IL23R: variants seen among roughly 807,000 people sequenced by gnomAD.
IL23R encodes interleukin-23 receptor.
A neutral mutation model predicts 56.9 loss-of-function variants in IL23R; 34 were observed. The observed-to-expected ratio is 0.60, with a 90% confidence interval of 0.45 to 0.80. IL23R has a LOEUF of 0.80. Ranked by LOEUF, IL23R falls within the 30% of genes least tolerant of loss-of-function variation. The pLI is 0.00. For missense variants in IL23R, 635 were observed against 730.0 expected (o/e 0.87, Z 1.50); for synonymous variants, 230 against 249.2 (o/e 0.92, Z 0.73).
At chr1:67,141,535 A>T (rs1181343659) in intron 1 of IL23R, among the ~76,000 whole-genome samples, 2 of 152,040 alleles carry the variant, frequency 1.3e-5, no homozygotes, top group Non-Finnish European at 2.9e-5. Flanking sequence ...AGGTGGGAGG[A>T]TCATTTGAGG....
intron 9 of IL23R, among the ~76,000 whole-genome samples, chr1:67,241,295 C>T (rs527751430): frequency 6.6e-6 from 1 of 152,268 alleles, no homozygotes; most frequent in Admixed American, 6.5e-5. Flanking sequence ...TAGAAGGTAC[C>T]TCCTTATGCT....
chr1:67,204,180 C>T (rs1039934016), intron 5 of IL23R, among the ~76,000 whole-genome samples: 4 of 152,178 alleles, frequency 2.6e-5, no homozygotes. Context: ...TCTCCTGCCT[C>T]AGCCTCCCGA....
intron 5 of IL23R, among the ~76,000 whole-genome samples, chr1:67,204,924 G>A (rs1210263078): frequency 6.6e-6 from 1 of 152,016 alleles, no homozygotes; most frequent in Non-Finnish European, 1.5e-5. Flanking sequence ...GATTACAGGC[G>A]TCTGCCACAA....
intron 3 of IL23R, 141 bp from the exon 4 acceptor site, chr1:67,182,695 G>T: frequency 1.2e-6 from 1 of 861,862 alleles, no homozygotes. Flanking sequence ...ACCTCAGTTG[G>T]AAATGAAGAA....
intron 3 of IL23R, among the ~76,000 whole-genome samples, chr1:67,177,646 G>T (rs911125962): frequency 2.6e-5 from 4 of 151,172 alleles, no homozygotes; most frequent in Admixed American, 1.3e-4. Flanking sequence ...GTCAATTTTG[G>T]CTTTTGTTGC....
intron 4 of IL23R, among the ~76,000 whole-genome samples, chr1:67,187,027 TTA>T (rs1396827657): frequency 6.6e-6 from 1 of 152,246 alleles, no homozygotes; most frequent in Non-Finnish European, 1.5e-5. Flanking sequence ...CTATTATGAA[TTA>T]TTCTTCTATT....
rs144606217 is a variant in IL23R at position 67,169,402 on chromosome 1, T to C, written c.131T>C (p.Met44Thr). Reference protein sequence around the residue: ...IWVEPATIFKMGMNISIYCQA... With the variant: ...IWVEPATIFKTGMNISIYCQA... ...GTAGAACCAGCCACAATTTTTAAGA[T>C]GGGTATGAATATCTCTATATATTGC... is the stretch of plus-strand genomic sequence containing the variant. Residue 44 changes from methionine (M) to threonine (T), a missense_variant, in exon 3 of 11, where the codon ATG becomes ACG. Coordinates refer to ENST00000347310, the MANE Select transcript of IL23R (RefSeq NM_144701.3). 15 of 1,613,246 alleles carry C rather than the reference T, an allele frequency of 9.3e-6. No individual in the cohort carries two copies. In the African/African-American group the frequency reaches 1.6e-4, roughly 17 times the overall value.
At chr1:67,215,174 C>A (rs979075929) in intron 6 of IL23R, among the ~76,000 whole-genome samples, 1 of 152,170 alleles carries the variant, frequency 6.6e-6, no homozygotes, top group Non-Finnish European at 1.5e-5. Context: ...AAAGCCCTTC[C>A]TTCTATAACT....
intron 9 of IL23R, among the ~76,000 whole-genome samples, chr1:67,253,736 T>C (rs1347366436): frequency 2.6e-5 from 4 of 152,200 alleles, no homozygotes; most frequent in East Asian, 3.8e-4. Flanking sequence ...TGAAATATTT[T>C]AATGTTCAAA....
the IL23R span, among the ~76,000 whole-genome samples, chr1:67,265,873 CAAA>C: frequency 1.4e-5 from 2 of 141,562 alleles, no homozygotes; most frequent in Non-Finnish European, 3.1e-5. Context: ...GACCCTGTCT[CAAA>C]AAAAAAAAAT....
At chr1:67,212,818 G>A (rs1363699143) in intron 6 of IL23R, among the ~76,000 whole-genome samples, 1 of 151,996 alleles carries the variant, frequency 6.6e-6, no homozygotes, top group Non-Finnish European at 1.5e-5. Context: ...GCCTCCCAAA[G>A]TGCTGGTATT....
chr1:67,151,970 T>A (rs1378832773), intron 1 of IL23R, among the ~76,000 whole-genome samples: 1 of 152,214 alleles, frequency 6.6e-6, no homozygotes. Flanking sequence ...CATATGAAAT[T>A]TAAAGTAGAT....
chr1:67,202,639 T>C (rs1441109669), intron 5 of IL23R, among the ~76,000 whole-genome samples: 1 of 152,174 alleles, frequency 6.6e-6, no homozygotes. Context: ...ATTAAAAAAT[T>C]TGAGATCACA....
At chr1:67,198,302 C>T (rs1299100279) in intron 4 of IL23R, among the ~76,000 whole-genome samples, 6 of 152,178 alleles carry the variant, frequency 3.9e-5, no homozygotes, top group Admixed American at 1.3e-4. Flanking sequence ...GCACTCCTTT[C>T]GCCACCGCCT....
At chr1:67,168,001 C>G in intron 1 of IL23R, 91 bp from the exon 2 acceptor site, 1 of 745,448 alleles carries the variant, frequency 1.3e-6, no homozygotes, top group Non-Finnish European at 2.3e-6. Context: ...AGGTTCCCAT[C>G]AAATACAATA....
intron 10 of IL23R, 32 bp from the exon 11 acceptor site, chr1:67,258,446 T>C: frequency 6.4e-7 from 1 of 1,556,372 alleles, no homozygotes; most frequent in Admixed American, 1.8e-5. Flanking sequence ...TAAATGTCTT[T>C]TGCAAAATAA....
intron 4 of IL23R, among the ~76,000 whole-genome samples, chr1:67,191,435 C>T (rs1647735765): frequency 6.6e-6 from 1 of 152,144 alleles, no homozygotes; most frequent in Admixed American, 6.5e-5. Context: ...TCCTGCCTGC[C>T]TACTGGAGGA....
intron 1 of IL23R, among the ~76,000 whole-genome samples, chr1:67,159,546 T>A (rs1181852865): frequency 6.6e-6 from 1 of 152,106 alleles, no homozygotes; most frequent in Non-Finnish European, 1.5e-5. Flanking sequence ...TTTATAACAG[T>A]GTGAGAACAA....
chr1:67,215,042 A>C (rs1649743092), intron 6 of IL23R, among the ~76,000 whole-genome samples: 1 of 152,202 alleles, frequency 6.6e-6, no homozygotes, highest in Admixed American at 6.5e-5. Context: ...CTGCTTGCTC[A>C]AATCAATCAC....
Sources: allele counts gnomAD v4.1 joint callset (sites outside exome capture counted in the v4.1 genomes callset), GRCh38; gene constraint gnomAD v4.1.1; transcripts MANE v1.5; gene names NCBI Gene and HGNC (gene_info 2026-07-23, HGNC 2026-07-21).